NELL2: variants seen among roughly 807,000 people sequenced by gnomAD.
NELL2 encodes protein kinase C-binding protein NELL2.
Under a neutral mutation model 109.6 loss-of-function variants are expected in NELL2, and 41 were observed. That is an observed-to-expected ratio of 0.37 (90% CI 0.29 to 0.49). The LOEUF (loss-of-function observed/expected upper bound fraction) is 0.49, where lower values mean the gene tolerates loss of function less well. Ranked by LOEUF, NELL2 falls within the 20% of genes least tolerant of loss-of-function variation. The pLI, the probability that NELL2 is intolerant of heterozygous loss-of-function variation, is 0.98. For missense variants in NELL2, 900 were observed against 1,008.3 expected (o/e 0.89, Z 1.45); for synonymous variants, 355 against 344.7 (o/e 1.03, Z -0.33).
intron 2 of NELL2, among the ~76,000 whole-genome samples, chr12:44,847,776 G>C (rs1289641317): frequency 6.6e-6 from 1 of 151,886 alleles, no homozygotes; most frequent in Non-Finnish European, 1.5e-5. Flanking sequence ...GTATCAAAGA[G>C]AGTAGAGAAC....
chr12:44,704,083 T>C (rs1030395084), intron 11 of NELL2, among the ~76,000 whole-genome samples: 15 of 152,158 alleles, frequency 9.9e-5, no homozygotes, highest in Admixed American at 6.5e-5. Flanking sequence ...CTTTTGTGGT[T>C]TTTGACTTTA....
At chr12:44,891,665 T>C (rs949139651) in intron 1 of NELL2, among the ~76,000 whole-genome samples, 3 of 152,176 alleles carry the variant, frequency 2.0e-5, no homozygotes, top group Non-Finnish European at 2.9e-5. Context: ...AGAAAAGGGA[T>C]TTTTCTACCT....
At chr12:44,516,901 C>CT (rs5797903) in intron 19 of NELL2, among the ~76,000 whole-genome samples, 25,202 of 134,984 alleles carry the variant, frequency 0.19, 3,448 homozygotes, top group African/African-American at 0.39. Flanking sequence ...GTAGTTGTGA[C>CT]TTTTTTTTTT....
intron 11 of NELL2, among the ~76,000 whole-genome samples, chr12:44,706,225 C>T (rs538153364): frequency 6.6e-6 from 1 of 152,068 alleles, no homozygotes; most frequent in Non-Finnish European, 1.5e-5. Context: ...TTCAGTCATT[C>T]GAATTCCAAT....
At chr12:44,827,517 C>A (rs559613013) in intron 2 of NELL2, among the ~76,000 whole-genome samples, 63 of 149,332 alleles carry the variant, frequency 4.2e-4, no homozygotes, top group African/African-American at 1.5e-3. Flanking sequence ...TACTCTCTAT[C>A]TCCATGAGTT....
At chr12:44,617,971 C>T (rs112702229) in intron 13 of NELL2, among the ~76,000 whole-genome samples, 5,402 of 152,044 alleles carry the variant, frequency 0.036, 315 homozygotes, top group African/African-American at 0.12. Flanking sequence ...TTCCAAAACC[C>T]CACTACTTTC....
rs1942347966 is a variant in NELL2 at position 44,537,516 on chromosome 12, A to T, written c.1664-4795T>A. Among the ~76,000 whole-genome samples, 3 of 152,154 alleles carry T rather than the reference A, an allele frequency of 2.0e-5. No individual in the cohort carries two copies. The South Asian group carries it at 6.2e-4, about 32-fold the overall frequency. Reference sequence around the variant, plus strand: ...AGTCACATAGAGTACTCTTTTTCATACTATTTATCATTAATAAAAATATGA... The same window carrying T: ...AGTCACATAGAGTACTCTTTTTCATTCTATTTATCATTAATAAAAATATGA... On this transcript the variant is annotated intron_variant, in intron 15 of 19. Coordinates refer to ENST00000429094, the MANE Select transcript of NELL2 (RefSeq NM_001145108.2).
At chr12:44,854,589 C>T (rs1944622787) in intron 2 of NELL2, among the ~76,000 whole-genome samples, 1 of 152,064 alleles carries the variant, frequency 6.6e-6, no homozygotes, top group Non-Finnish European at 1.5e-5. Context: ...ATCATTGAAA[C>T]ATTTTTGCTA....
intron 15 of NELL2, among the ~76,000 whole-genome samples, chr12:44,551,374 C>T (rs919598897): frequency 5.9e-5 from 9 of 152,078 alleles, no homozygotes; most frequent in Non-Finnish European, 1.0e-4. Flanking sequence ...ATATATATGT[C>T]ATGTGCATTC....
chr12:44,736,234 C>T (rs1217117433), intron 9 of NELL2, among the ~76,000 whole-genome samples: 1 of 151,916 alleles, frequency 6.6e-6, no homozygotes, highest in Non-Finnish European at 1.5e-5. Flanking sequence ...TGGTCTCAAT[C>T]TCCTGACCTC....
intron 2 of NELL2, among the ~76,000 whole-genome samples, chr12:44,874,800 A>G (rs2710426): frequency 6.6e-6 from 1 of 152,204 alleles, no homozygotes; most frequent in Non-Finnish European, 1.5e-5. Context: ...AGCTACCCCC[A>G]TAAAACAATT....
At chr12:44,587,515 G>A (rs1944571543) in intron 15 of NELL2, among the ~76,000 whole-genome samples, 1 of 151,692 alleles carries the variant, frequency 6.6e-6, no homozygotes, top group African/African-American at 2.4e-5. Flanking sequence ...GATTTGTGAT[G>A]GTGCATCTTT....
At chr12:44,804,802 A>C (rs1156638890) in intron 3 of NELL2, among the ~76,000 whole-genome samples, 1 of 151,894 alleles carries the variant, frequency 6.6e-6, no homozygotes, top group Non-Finnish European at 1.5e-5. Flanking sequence ...AGATTAAAAA[A>C]AGAGAATTAA....
intron 12 of NELL2, among the ~76,000 whole-genome samples, chr12:44,686,274 C>T (rs187617255): frequency 1.3e-5 from 2 of 152,204 alleles, no homozygotes; most frequent in Admixed American, 6.5e-5. Flanking sequence ...ATCAGCTCCT[C>T]TAAGCACTTC....
upstream of NELL2, chr12:44,876,916 G>C: frequency 8.0e-7 from 1 of 1,247,222 alleles, no homozygotes; most frequent in Non-Finnish European, 1.0e-6. Context: ...TCCCTGCCGG[G>C]GGCGGGGCGC....
At chr12:44,741,009 T>A (rs1939927554) in intron 9 of NELL2, among the ~76,000 whole-genome samples, 1 of 152,196 alleles carries the variant, frequency 6.6e-6, no homozygotes, top group Non-Finnish European at 1.5e-5. Context: ...AAAGTACAGT[T>A]GATCCTTGAA....
At chr12:44,790,423 T>C (rs984767743) in intron 3 of NELL2, among the ~76,000 whole-genome samples, 60 of 152,260 alleles carry the variant, frequency 3.9e-4, no homozygotes, top group African/African-American at 1.4e-3. Flanking sequence ...GACCAAGAAA[T>C]GCTGAGAGAA....
At chr12:44,541,826 CT>C (rs1344940989) in intron 15 of NELL2, among the ~76,000 whole-genome samples, 4 of 152,122 alleles carry the variant, frequency 2.6e-5, no homozygotes, top group Non-Finnish European at 5.9e-5. Flanking sequence ...GACTGCAGTA[CT>C]ATGAGGTAGG....
At position 44,690,701 on chromosome 12, in the gene NELL2, G is replaced by A. The variant is rs139439710; in HGVS notation, c.1318+13025C>T. Among the ~76,000 whole-genome samples the A allele has an allele frequency of 8.5e-3, 1,288 of 152,210 alleles. 17 individuals carry two copies. The highest frequency in any genetic ancestry group is 0.028 in the African/African-American group (1,153 of 41,528). On this transcript the variant is annotated intron_variant, in intron 12 of 19. Coordinates refer to ENST00000429094, the MANE Select transcript of NELL2 (RefSeq NM_001145108.2). ...AGTAAGTCAACTCCATGAAGGCAGC[G>A]GTTTAGTAGGAGGGTTTTGCTCATG...
Sources: allele counts gnomAD v4.1 joint callset (sites outside exome capture counted in the v4.1 genomes callset), GRCh38; gene constraint gnomAD v4.1.1; transcripts MANE v1.5; gene names NCBI Gene and HGNC (gene_info 2026-07-23, HGNC 2026-07-21).